SEMA4D: variants seen among roughly 807,000 people sequenced by gnomAD.
SEMA4D encodes the protein semaphorin 4D, also known as semaphorin-4D.
In SEMA4D, 22 loss-of-function variants were observed where a neutral mutation model predicts 74.8. That is an observed-to-expected ratio of 0.29 (90% CI 0.21 to 0.42). SEMA4D has a LOEUF of 0.42. SEMA4D is among the 10% of genes least tolerant of loss of function. The probability of loss-of-function intolerance (pLI) is 1.00; values close to 1 mark genes in which losing one functional copy is unlikely to be tolerated. For synonymous variants in SEMA4D, 445 were observed against 463.7 expected, an observed-to-expected ratio of 0.96 and a Z score of 0.52; for missense variants, 937 against 1,118.4, an observed-to-expected ratio of 0.84 and a Z score of 2.31.
intron 1 of SEMA4D, among the ~76,000 whole-genome samples, chr9:89,489,295 T>A (rs1408741005): frequency 6.6e-6 from 1 of 152,262 alleles, no homozygotes; most frequent in Non-Finnish European, 1.5e-5. Flanking sequence ...TAAAAACATA[T>A]GTCCACGCTA....
chr9:89,403,412 A>G (rs1361269326), intron 3 of SEMA4D, among the ~76,000 whole-genome samples: 1 of 152,194 alleles, frequency 6.6e-6, no homozygotes, highest in Non-Finnish European at 1.5e-5. Context: ...ATGCCTTGTC[A>G]TCCACAGATT....
chr9:89,385,325 T>C (rs1838201341), intron 13 of SEMA4D: 1 of 985,342 alleles, frequency 1.0e-6, no homozygotes, highest in Non-Finnish European at 1.2e-6. Context: ...GTCCACATTT[T>C]AGAGATGTTG....
chr9:89,417,071 C>T (rs1845878652), intron 2 of SEMA4D, among the ~76,000 whole-genome samples: 1 of 152,142 alleles, frequency 6.6e-6, no homozygotes, highest in Non-Finnish European at 1.5e-5. Context: ...CTGCTTAATA[C>T]AGCACAGAAT....
chr9:89,463,961 G>A (rs1197494731), intron 1 of SEMA4D, among the ~76,000 whole-genome samples: 7 of 150,394 alleles, frequency 4.7e-5, no homozygotes, highest in Non-Finnish European at 8.9e-5. Context: ...GAACCAAATC[G>A]TGCCAACTAG....
In SEMA4D at chr9:89,381,744, G is replaced by A. The variant is rs558227827; in HGVS notation, c.1447-398C>T. On this transcript the variant is annotated intron_variant, in intron 13 of 15. Coordinates refer to ENST00000422704, the MANE Select transcript of SEMA4D (RefSeq NM_001371194.2). This position sits in a 1 kb window ranked among gnomAD's most constrained non-coding sequence, Gnocchi z 4.6. ...CGGTCATCTTCCCGGCCTCACTATA[G>A]GTGAGAAGGGGCTGCAGCCAGAGGC... 1 of 161,850 alleles carries A rather than the reference G, an allele frequency of 6.2e-6. No homozygotes were observed. The highest frequency in any genetic ancestry group is 2.4e-5 in the African/African-American group (1 of 41,748). The allele number at this position is 161,850 out of a possible 1,614,324, so 10.0% of individuals were successfully genotyped here.
At position 89,381,176 on chromosome 9, in the gene SEMA4D, G is replaced by T; in HGVS notation, c.1617C>A (p.Ser539Arg). Residue 539 changes from serine to arginine, a missense_variant and splice_region_variant, in exon 14 of 16, where the codon AGC (serine) becomes AGA (arginine). Physicochemically the swap from Ser to Arg is moderately radical, Grantham distance 110. Coordinates refer to ENST00000422704, the MANE Select transcript of SEMA4D (RefSeq NM_001371194.2). The surrounding 1 kb of genome is among the most constrained non-coding windows in gnomAD (Gnocchi z 4.6). ...CVALHQTESP[S>R]RGLIQEMSGD... ...AGGCAGCGCATCCCGCCCCATACCT[G>T]CTGGGGCTCTCGGTCTGGTGCAGAG... 2 of 1,613,820 alleles carry T rather than the reference G, an allele frequency of 1.2e-6. No homozygotes were observed. Among genetic ancestry groups the T allele is most frequent in the African/African-American group, 2.7e-5 (2 of 75,064 alleles).
At chr9:89,473,812 A>T (rs1308984957) in intron 1 of SEMA4D, among the ~76,000 whole-genome samples, 4 of 152,124 alleles carry the variant, frequency 2.6e-5, no homozygotes, top group African/African-American at 7.2e-5. Context: ...CTGAGACTGC[A>T]CCACTGCACT....
At position 89,381,594 on chromosome 9, in the gene SEMA4D, C is replaced by G; in HGVS notation, c.1447-248G>C. The stretch of plus-strand genomic sequence containing the variant: ...TCCCTCTCTCCCCTGTCTGGGCACC[C>G]ACAGGTGCCTGCCCTCCAGCAAAGC... On this transcript the variant is annotated intron_variant, in intron 13 of 15. Transcript: ENST00000422704. The surrounding 1 kb of genome is among the most constrained non-coding windows in gnomAD (Gnocchi z 4.6). 2.5e-6 allele frequency: 1 copy of G among 395,742 alleles called. No homozygotes were observed. The highest frequency in any genetic ancestry group is 4.5e-6 in the Non-Finnish European group (1 of 221,886). The allele number at this position is 395,742 out of a possible 1,614,324, so 24.5% of individuals were successfully genotyped here.
intron 1 of SEMA4D, among the ~76,000 whole-genome samples, chr9:89,485,804 A>G (rs1409722893): frequency 9.7e-5 from 11 of 113,030 alleles, no homozygotes; most frequent in African/African-American, 3.2e-4. Context: ...AAAAAAAAAA[A>G]AAAAAAAAAA....
At chr9:89,435,921 A>G (rs1048808064) in intron 2 of SEMA4D, among the ~76,000 whole-genome samples, 3 of 152,226 alleles carry the variant, frequency 2.0e-5, no homozygotes, top group South Asian at 2.1e-4. Context: ...CCGCATCCCA[A>G]TGCATGCTGA....
intron 1 of SEMA4D, among the ~76,000 whole-genome samples, chr9:89,459,007 G>A (rs1856630202): frequency 1.3e-5 from 2 of 152,152 alleles, no homozygotes; most frequent in South Asian, 2.1e-4. Context: ...ACTGTGCATG[G>A]TCCTTATCCT....
intron 15 of SEMA4D, 36 bp from the exon 16 acceptor site, chr9:89,379,665 A>G (rs1836562001): frequency 6.4e-7 from 1 of 1,569,940 alleles, no homozygotes. Context: ...AGCGTCAACA[A>G]TCCCCATTTG....
chr9:89,370,191 T>C (rs1834335069), intron 16 of SEMA4D, among the ~76,000 whole-genome samples: 2 of 151,468 alleles, frequency 1.3e-5, no homozygotes, highest in South Asian at 4.2e-4. Context: ...TTGATGTGTG[T>C]GTGGTGTGTG....
chr9:89,400,869 C>T (rs1842070894), intron 4 of SEMA4D, among the ~76,000 whole-genome samples: 1 of 152,182 alleles, frequency 6.6e-6, no homozygotes, highest in Non-Finnish European at 1.5e-5. Flanking sequence ...CAATGTCTGG[C>T]TCTCACTGAA....
chr9:89,456,545 AAGAG>A (rs1855976681), intron 1 of SEMA4D, among the ~76,000 whole-genome samples: 1 of 152,212 alleles, frequency 6.6e-6, no homozygotes, highest in East Asian at 1.9e-4. Context: ...GAGGGCAAGG[AAGAG>A]AGAGAGAAGA....
Position 89,425,413 on chromosome 9 carries a change from G to T in SEMA4D, c.-243-19714C>A, listed in dbSNP as rs138155060. Among the ~76,000 whole-genome samples, 3 of 152,378 alleles carry T rather than the reference G, an allele frequency of 2.0e-5. No individual in the cohort carries two copies. In the East Asian group the frequency reaches 5.8e-4, roughly 29 times the overall value. Reference sequence around the variant, plus strand: ...AAGAATAACTAACACCCGCCATAAGGCAAGGGTGAGGAAGTGACTGTTCTA... The same window carrying T: ...AAGAATAACTAACACCCGCCATAAGTCAAGGGTGAGGAAGTGACTGTTCTA... On this transcript the variant is annotated intron_variant, in intron 2 of 15. Transcript: ENST00000422704.
intron 1 of SEMA4D, among the ~76,000 whole-genome samples, chr9:89,477,986 T>C (rs1411066489): frequency 6.6e-6 from 1 of 152,068 alleles, no homozygotes; most frequent in Non-Finnish European, 1.5e-5. Context: ...AAGCAGAGAG[T>C]TTCCACTGTA....
intron 1 of SEMA4D, among the ~76,000 whole-genome samples, chr9:89,497,030 C>T (rs1377768149): frequency 1.3e-5 from 2 of 152,196 alleles, no homozygotes; most frequent in Non-Finnish European, 2.9e-5. Context: ...GAAAACCTTC[C>T]GGAAAGCAGG....
At chr9:89,435,985 C>T (rs964285994) in intron 2 of SEMA4D, among the ~76,000 whole-genome samples, 1 of 152,224 alleles carries the variant, frequency 6.6e-6, no homozygotes, top group African/African-American at 2.4e-5. Context: ...GAAGCGCCCC[C>T]GCTGCCCCCC....
Sources: allele counts gnomAD v4.1 joint callset (sites outside exome capture counted in the v4.1 genomes callset), GRCh38; gene constraint gnomAD v4.1.1; non-coding constraint Gnocchi (gnomAD v3.1); transcripts MANE v1.5; gene names NCBI Gene and HGNC (gene_info 2026-07-23, HGNC 2026-07-21).